The following RCOR1 variants were observed in gnomAD, a reference collection of about 807,000 sequenced individuals.
RCOR1 encodes REST corepressor 1, also known as REST corepressor.
Under a neutral mutation model 64.0 loss-of-function variants are expected in RCOR1, and 12 were observed. The ratio of observed to expected loss-of-function variants is 0.19; its 90% CI spans 0.12 to 0.30. RCOR1 has a LOEUF of 0.30. RCOR1 is among the 10% of genes least tolerant of loss of function. The pLI, the probability that RCOR1 is intolerant of heterozygous loss-of-function variation, is 1.00. For synonymous variants in RCOR1, 279 were observed against 227.2 expected (o/e 1.23, Z -2.05); for missense variants, 502 against 621.2 (o/e 0.81, Z 2.04).
intron 2 of RCOR1, among the ~76,000 whole-genome samples, chr14:102,674,775 T>C (rs1242539369): frequency 6.6e-6 from 1 of 152,116 alleles, no homozygotes; most frequent in Non-Finnish European, 1.5e-5. Context: ...CTTTAAAACT[T>C]GATAAAAATC....
chr14:102,593,340 C>T lies in RCOR1; in HGVS notation c.361+15C>T, dbSNP rs1044392351. ...CTTCGACCCCGGTGAGTAGCGGCCC[C>T]GGCCGGCCGGCGGCGGGGATGAGCG... On this transcript the variant is annotated intron_variant, in intron 2 of 11. Transcript: ENST00000262241. The T allele has an allele frequency of 4.6e-6, 7 of 1,526,816 alleles. No homozygotes were observed. The African/African-American group carries it at 8.6e-5, about 19-fold the overall frequency. The allele number at this position is 1,526,816 out of a possible 1,614,324, so 94.6% of individuals were successfully genotyped here. A position where few individuals can be genotyped will look rare whatever the true frequency, so the allele number is the denominator to read the frequency against.
chr14:102,667,071 C>T (rs1894928410), intron 2 of RCOR1, among the ~76,000 whole-genome samples: 1 of 152,138 alleles, frequency 6.6e-6, no homozygotes, highest in South Asian at 2.1e-4. Flanking sequence ...CACGGTGGCT[C>T]ATGCCCATAA....
intron 2 of RCOR1, among the ~76,000 whole-genome samples, chr14:102,672,386 G>A (rs900676274): frequency 6.6e-6 from 1 of 151,490 alleles, no homozygotes. Flanking sequence ...ATTTTTTTTT[G>A]TATTTTTAGT....
Position 102,721,396 on chromosome 14 carries a change from A to C in RCOR1, c.1189+19A>C, listed in dbSNP as rs772140711. ...GTACAAGGTAGGGGGAAGTTCTTCT[A>C]AAGAGTTTAGGAGGCCGGCTGTGGT... On this transcript the variant is annotated intron_variant, in intron 10 of 11. Transcript: ENST00000262241. 6.2e-7 allele frequency: 1 copy of C among 1,605,860 alleles called. No individual in the cohort carries two copies. The highest frequency in any genetic ancestry group is 1.3e-5 in the African/African-American group (1 of 74,724).
chr14:102,674,857 G>C (rs954522390), intron 2 of RCOR1, among the ~76,000 whole-genome samples: 2 of 151,920 alleles, frequency 1.3e-5, no homozygotes, highest in African/African-American at 4.8e-5. Context: ...GGCGGATCAT[G>C]AGACCATCCT....
At chr14:102,636,500 C>T (rs963354952) in intron 2 of RCOR1, among the ~76,000 whole-genome samples, 1 of 150,046 alleles carries the variant, frequency 6.7e-6, no homozygotes, top group African/African-American at 2.4e-5. Flanking sequence ...AGGCTGGTCT[C>T]GAACTTCTGA....
intron 2 of RCOR1, among the ~76,000 whole-genome samples, chr14:102,678,546 C>T (rs939831565): frequency 6.6e-6 from 1 of 152,008 alleles, no homozygotes; most frequent in Non-Finnish European, 1.5e-5. Flanking sequence ...TGATCCTGAG[C>T]CTCCCAAAGT....
intron 2 of RCOR1, among the ~76,000 whole-genome samples, chr14:102,651,636 T>G (rs1023573839): frequency 5.9e-5 from 9 of 152,194 alleles, no homozygotes; most frequent in African/African-American, 2.2e-4. Context: ...TTTATATTTA[T>G]GTATCTTATT....
chr14:102,598,697 C>T (rs1051357766), intron 2 of RCOR1, among the ~76,000 whole-genome samples: 7 of 152,272 alleles, frequency 4.6e-5, no homozygotes, highest in African/African-American at 1.7e-4. Flanking sequence ...ATCCGCCCGC[C>T]TCGGCCTCCC....
At chr14:102,620,285 C>T (rs772603984) in intron 2 of RCOR1, among the ~76,000 whole-genome samples, 10 of 150,946 alleles carry the variant, frequency 6.6e-5, no homozygotes, top group African/African-American at 2.4e-4. Flanking sequence ...AAATTAGTCG[C>T]GGCGGGGTGC....
At chr14:102,663,205 C>A (rs1323225086) in intron 2 of RCOR1, among the ~76,000 whole-genome samples, 1 of 152,216 alleles carries the variant, frequency 6.6e-6, no homozygotes, top group African/African-American at 2.4e-5. Flanking sequence ...CTCCTCCTTG[C>A]CGTCCGCCAT....
Position 102,670,176 on chromosome 14 carries a change from CT to C in RCOR1, c.362-11717del, listed in dbSNP as rs538320494. Reference sequence around the variant, plus strand: ...ATGTTGGACAGGCTGGTCTCAAACTCTTGACAGCAAGTGATCTGCCTGCCTT... The same window carrying C: ...ATGTTGGACAGGCTGGTCTCAAACTCTGACAGCAAGTGATCTGCCTGCCTT... On this transcript the variant is annotated intron_variant, in intron 2 of 11. Transcript: ENST00000262241. Among the ~76,000 whole-genome samples the C allele has an allele frequency of 4.5e-3, 688 of 152,288 alleles. 4 individuals carry two copies. The highest frequency in any genetic ancestry group is 5.8e-3 in the Non-Finnish European group (394 of 68,028).
chr14:102,626,009 CT>C (rs1893973930), intron 2 of RCOR1, among the ~76,000 whole-genome samples: 2 of 152,260 alleles, frequency 1.3e-5, no homozygotes, highest in South Asian at 4.1e-4. Flanking sequence ...TTACTGTTAC[CT>C]GAAATTCATA....
At chr14:102,678,983 C>T (rs1033874187) in intron 2 of RCOR1, among the ~76,000 whole-genome samples, 1 of 152,072 alleles carries the variant, frequency 6.6e-6, no homozygotes, top group Non-Finnish European at 1.5e-5. Flanking sequence ...TGTTATTTTC[C>T]TTATTGTTGA....
chr14:102,599,226 C>G (rs973992140), intron 2 of RCOR1, among the ~76,000 whole-genome samples: 1 of 151,896 alleles, frequency 6.6e-6, no homozygotes, highest in African/African-American at 2.4e-5. Flanking sequence ...TGGGCGCACA[C>G]TATCCTCCCA....
chr14:102,687,114 G>A (rs1281259034), intron 3 of RCOR1, among the ~76,000 whole-genome samples: 2 of 152,106 alleles, frequency 1.3e-5, no homozygotes, highest in Non-Finnish European at 2.9e-5. Context: ...TTTCATTTAC[G>A]TTTTATATTG....
chr14:102,629,187 C>T (rs1430821404), intron 2 of RCOR1, among the ~76,000 whole-genome samples: 2 of 152,210 alleles, frequency 1.3e-5, no homozygotes, highest in Non-Finnish European at 2.9e-5. Flanking sequence ...ATCCACATAG[C>T]CCATGGCCTT....
intron 3 of RCOR1, among the ~76,000 whole-genome samples, chr14:102,700,436 GCTCTCGAA>G (rs1895734093): frequency 6.6e-6 from 1 of 152,132 alleles, no homozygotes; most frequent in South Asian, 2.1e-4. Flanking sequence ...TGGTCAGGTT[GCTCTCGAA>G]CTCCTGACCT....
At chr14:102,613,723 CTTT>C (rs74810023) in intron 2 of RCOR1, among the ~76,000 whole-genome samples, 1 of 140,254 alleles carries the variant, frequency 7.1e-6, no homozygotes, top group Admixed American at 7.2e-5. Flanking sequence ...CCCCGCCATC[CTTT>C]TTTTTTTTTT....
Sources: gnomAD v4.1 joint callset for allele counts (sites outside exome capture counted in the v4.1 genomes callset) on GRCh38, gnomAD v4.1.1 for gene constraint, MANE v1.5 for transcripts, NCBI Gene and HGNC (gene_info 2026-07-23, HGNC 2026-07-21) for gene names.